The following NKD2 variants were observed in gnomAD, a reference collection of about 807,000 sequenced individuals.
The protein encoded by NKD2 is protein naked cuticle homolog 2.
A neutral mutation model predicts 34.8 loss-of-function variants in NKD2; 43 were observed. The observed-to-expected ratio is 1.24, with a 90% CI of 0.97 to 1.60. The LOEUF (loss-of-function observed/expected upper bound fraction) is 1.60. Among genes scored for constraint, NKD2 ranks in the 40% most tolerant of loss-of-function variants. The pLI is 0.00. For missense variants in NKD2, 675 were observed against 627.1 expected, an observed-to-expected ratio of 1.08 and a Z score of -0.82; for synonymous variants, 278 against 265.1, an observed-to-expected ratio of 1.05 and a Z score of -0.47.
At chr5:1,016,242 G>C (rs1257290682) in intron 3 of NKD2, among the ~76,000 whole-genome samples, 1 of 152,248 alleles carries the variant, frequency 6.6e-6, no homozygotes, top group South Asian at 2.1e-4. Context: ...ACCCCGATCC[G>C]CTCTCACGGC....
Position 1,033,471 on chromosome 5 carries a change from G to A in NKD2, c.302G>A (p.Gly101Glu). Reference sequence around the variant, plus strand: ...GCAGCAAACCGCGAGGGCCCGCGAGGACCGGGCGGGCAGCGCCTCAACATT... The same window carrying A: ...GCAGCAAACCGCGAGGGCCCGCGAGAACCGGGCGGGCAGCGCCTCAACATT... Reference protein sequence around the residue: ...ERAANREGPRGPGGQRLNIDA... With the variant: ...ERAANREGPREPGGQRLNIDA... The change falls in exon 5 of 10, where the codon GGA becomes GAA. Residue 101 changes from glycine (G) to glutamate (E), a missense_variant. Physicochemically the swap from Gly to Glu is moderately conservative, Grantham distance 98 (BLOSUM62 -2). Transcript: ENST00000296849. 6.4e-7 allele frequency: 1 copy of A among 1,553,748 alleles called. No homozygotes were observed. Among genetic ancestry groups the A allele is most frequent in the African/African-American group, 1.4e-5 (1 of 73,254 alleles).
intron 3 of NKD2, among the ~76,000 whole-genome samples, chr5:1,011,756 A>G (rs951468106): frequency 6.6e-5 from 10 of 152,240 alleles, no homozygotes; most frequent in South Asian, 2.1e-4. Flanking sequence ...CCTGTGAGCA[A>G]TGCTGGCTCC....
intron 3 of NKD2, among the ~76,000 whole-genome samples, chr5:1,028,013 T>G (rs1172286688): frequency 1.3e-5 from 2 of 152,148 alleles, no homozygotes; most frequent in African/African-American, 4.8e-5. Context: ...CGCTGGCACG[T>G]GGGGAACACA....
At chr5:1,025,667 T>A (rs776832963) in intron 3 of NKD2, among the ~76,000 whole-genome samples, 1 of 4,262 alleles carries the variant, frequency 2.3e-4, no homozygotes, top group African/African-American at 3.1e-4. Flanking sequence ...CCTCTGTGGG[T>A]GTCTCAGCCC....
chr5:1,036,869 C>CAGGCAGGCAGTGTGGATGGT (rs1733986071), intron 9 of NKD2: 1 of 449,870 alleles, frequency 2.2e-6, no homozygotes, highest in Non-Finnish European at 4.4e-6. Flanking sequence ...GTGTGGATGG[C>CAGGCAGGCAGTGTGGATGGT]AGGCAGGCAG....
intron 3 of NKD2, among the ~76,000 whole-genome samples, chr5:1,018,105 G>A (rs909534395): frequency 1.3e-5 from 2 of 152,166 alleles, no homozygotes; most frequent in Non-Finnish European, 2.9e-5. Flanking sequence ...AGCAGGCAGG[G>A]GCTGCGAGAG....
Position 1,009,190 on chromosome 5 carries a change from C to G in NKD2, c.37C>G (p.Arg13Gly), listed in dbSNP as rs916046861. 1 of 563,404 alleles carries G rather than the reference C, an allele frequency of 1.8e-6. No individual in the cohort carries two copies. The highest frequency in any genetic ancestry group is 3.2e-6 in the Non-Finnish European group (1 of 313,682). 34.9% of individuals were successfully genotyped at this position (563,404 alleles called of 1,614,324 possible). A position where few individuals can be genotyped will look rare whatever the true frequency, so the allele number is the denominator to read the frequency against. The change falls in exon 2 of 10, where the codon CGC (arginine) becomes GGC (glycine). Residue 13 changes from arginine (R) to glycine (G), a missense_variant. Transcript: ENST00000296849. The surrounding 1 kb of genome is among the most constrained non-coding windows in gnomAD (Gnocchi z 6.9). ...KLQSKHAAAARKRRESPEGDS... is the reference protein window; with the variant it reads ...KLQSKHAAAAGKRRESPEGDS... ...CCGCCGTGCCGCAGCCGCCGCCGCC[C>G]GCAAGCGGAGAGAGAGCCCGGAAGG...
chr5:1,033,517 C>T lies in NKD2; in HGVS notation c.330+18C>T, dbSNP rs1329067892. The T allele has an allele frequency of 6.5e-7, 1 of 1,538,530 alleles. No individual in the cohort carries two copies. Among genetic ancestry groups the T allele is most frequent in the Non-Finnish European group, 8.8e-7 (1 of 1,138,622 alleles). ...ACATTGACGTGGGTCTCTCTCCGGC[C>T]TCACTTGCGGGAACACGTCCCTGGG... On this transcript the variant is annotated intron_variant, in intron 5 of 9. Coordinates refer to ENST00000296849, the MANE Select transcript of NKD2 (RefSeq NM_033120.4).
At chr5:1,034,729 G>A in intron 6 of NKD2, 27 bp from the exon 7 acceptor site, 2 of 1,601,600 alleles carry the variant, frequency 1.2e-6, no homozygotes, top group South Asian at 1.1e-5. Flanking sequence ...GGTCTGCTCT[G>A]TCAGTGAAAC....
chr5:1,017,825 TGA>T (rs1756018556), intron 3 of NKD2, among the ~76,000 whole-genome samples: 1 of 150,214 alleles, frequency 6.7e-6, no homozygotes, highest in Non-Finnish European at 1.5e-5. Context: ...TGCTGGGGTG[TGA>T]GAGATGCTGG....
rs746873795 is a variant in NKD2, at chr5:1,033,329, A to G, written c.203-43A>G. 6.6e-5 allele frequency: 103 copies of G among 1,552,202 alleles called. 1 individual carries two copies. The Middle Eastern group carries it at 6.9e-4, about 10-fold the overall frequency. On this transcript the variant is annotated intron_variant, in intron 4 of 9. Transcript: ENST00000296849. ...TCCCCAATGGCGGGCCACATCCTCC[A>G]TGTGCCCTCTGCCAGCCCCTTCGCC...
At chr5:1,027,804 C>G (rs1756481436) in intron 3 of NKD2, among the ~76,000 whole-genome samples, 2 of 152,244 alleles carry the variant, frequency 1.3e-5, no homozygotes, top group African/African-American at 4.8e-5. Flanking sequence ...GGAAAGGTGC[C>G]TGGCCGTGCC....
chr5:1,028,790 G>A (rs1756526066), intron 3 of NKD2, among the ~76,000 whole-genome samples: 1 of 152,064 alleles, frequency 6.6e-6, no homozygotes. Context: ...TTGAGGGGGA[G>A]GGTTGGGCCC....
Position 1,038,447 on chromosome 5 carries a change from C to T in NKD2, c.*74C>T, listed in dbSNP as rs532719389. ...TCAGGGCAGGGAGCAGAGCAGCTGC[C>T]GGCTGTGTGCCCATGGGGAGCCCAG... On this transcript the variant is annotated 3_prime_UTR_variant, in exon 10 of 10. Transcript: ENST00000296849. This position sits in a 1 kb window ranked among gnomAD's most constrained non-coding sequence, Gnocchi z 4.5. 9.2e-4 allele frequency: 1,415 copies of T among 1,535,614 alleles called. 17 individuals are homozygous for T. In the South Asian group the frequency reaches 0.014, roughly 15 times the overall value.
intron 3 of NKD2, among the ~76,000 whole-genome samples, chr5:1,027,621 G>A (rs967035300): frequency 1.4e-4 from 21 of 152,176 alleles, no homozygotes; most frequent in African/African-American, 3.1e-4. Flanking sequence ...CCTGTTGATC[G>A]GGGTTGGTAT....
intron 3 of NKD2, among the ~76,000 whole-genome samples, chr5:1,026,526 GT>G (rs1328717528): frequency 1.6e-5 from 1 of 62,406 alleles, no homozygotes; most frequent in Admixed American, 2.0e-4. Flanking sequence ...CCCACCCGCT[GT>G]GGGTGTCCCA....
intron 7 of NKD2, 108 bp downstream of exon 7, chr5:1,035,011 GGTGAATGGATGGGTGAGTGA>G: frequency 1.9e-6 from 2 of 1,063,702 alleles, no homozygotes; most frequent in Non-Finnish European, 2.7e-6. Flanking sequence ...GGAGTGAGTG[GGTGAATGGATGGGTGAGTGA>G]GTGAATGAGT....
intron 3 of NKD2, among the ~76,000 whole-genome samples, chr5:1,029,590 G>T (rs1000112320): frequency 6.6e-6 from 1 of 152,154 alleles, no homozygotes; most frequent in African/African-American, 2.4e-5. Context: ...AACACGGCAC[G>T]GGCTGCGTTT....
At chr5:1,021,869 G>C (rs1005927302) in intron 3 of NKD2, among the ~76,000 whole-genome samples, 1 of 152,078 alleles carries the variant, frequency 6.6e-6, no homozygotes, top group Non-Finnish European at 1.5e-5. Context: ...GGTGGTCTTT[G>C]CATTTAAAGA....
Sources: allele counts gnomAD v4.1 joint callset (sites outside exome capture counted in the v4.1 genomes callset), GRCh38; gene constraint gnomAD v4.1.1; non-coding constraint Gnocchi (gnomAD v3.1); transcripts MANE v1.5; gene names NCBI Gene and HGNC (gene_info 2026-07-23, HGNC 2026-07-21).